Variants in DAPK1 observed in about 807,000 individuals in gnomAD.
DAPK1 encodes the protein death-associated protein kinase 1.
DAPK1 carries 56 observed loss-of-function variants against 144.9 expected under a neutral mutation model. That is an observed-to-expected ratio of 0.39 (90% CI 0.31 to 0.48). The LOEUF (loss-of-function observed/expected upper bound fraction) is 0.48. DAPK1 is among the 20% of genes least tolerant of loss of function. The pLI is 0.95. For missense variants in DAPK1, 1,454 were observed against 1,875.4 expected (o/e 0.78, Z 4.15); for synonymous variants, 690 against 749.0 (o/e 0.92, Z 1.29).
chr9:87,594,744 A>G (rs1828256350), intron 2 of DAPK1, among the ~76,000 whole-genome samples: 1 of 152,184 alleles, frequency 6.6e-6, no homozygotes, highest in African/African-American at 2.4e-5. Flanking sequence ...AAAACTCCAA[A>G]TCCTTTGCCA....
At position 87,681,544 on chromosome 9, in the gene DAPK1, C is replaced by G. The variant is rs1041251543; in HGVS notation, c.2142C>G (p.Ser714Arg). The change falls in exon 20 of 26, where the codon AGC becomes AGG. Residue 714 changes from serine to arginine, a missense_variant. Coordinates refer to ENST00000408954, the MANE Select transcript of DAPK1 (RefSeq NM_004938.4). ...VESLKCGLLR[S>R]FFRRRRPRLS... ...CTCTCAAGTGTGGGCTGCTGAGGAG[C>G]TTTTTCAGAAGGCGTCGGCCCAGAC... 3 of 1,612,464 alleles carry G rather than the reference C, an allele frequency of 1.9e-6. No individual in the cohort carries two copies. The highest frequency in any genetic ancestry group is 2.5e-6 in the Non-Finnish European group (3 of 1,178,594).
At chr9:87,634,262 G>A (rs572598982) in intron 3 of DAPK1, among the ~76,000 whole-genome samples, 2 of 152,324 alleles carry the variant, frequency 1.3e-5, no homozygotes, top group South Asian at 4.1e-4. Context: ...GGCAGGCCCT[G>A]TTATGTTCCC....
chr9:87,664,706 C>G (rs36216035), intron 18 of DAPK1, among the ~76,000 whole-genome samples: 8,528 of 152,310 alleles, frequency 0.056, 264 homozygotes, highest in East Asian at 0.11. Flanking sequence ...TCCACCCTTA[C>G]CTGTCCACAG....
At chr9:87,692,073 G>T (rs1343300276) in intron 21 of DAPK1, among the ~76,000 whole-genome samples, 1 of 151,586 alleles carries the variant, frequency 6.6e-6, no homozygotes, top group African/African-American at 2.4e-5. Context: ...AATGCTGAAA[G>T]TGGGGTGTTG....
At chr9:87,601,086 C>T (rs971348979) in intron 2 of DAPK1, among the ~76,000 whole-genome samples, 3 of 152,162 alleles carry the variant, frequency 2.0e-5, no homozygotes, top group Admixed American at 6.5e-5. Context: ...AAAGGAGTCC[C>T]GATCCAGGGT....
At chr9:87,660,993 A>T (rs1830825388) in intron 18 of DAPK1, among the ~76,000 whole-genome samples, 2 of 152,178 alleles carry the variant, frequency 1.3e-5, no homozygotes, top group South Asian at 2.1e-4. Flanking sequence ...TACAGGTGCA[A>T]GCCACCATGC....
intron 2 of DAPK1, among the ~76,000 whole-genome samples, chr9:87,587,975 A>C (rs908126101): frequency 1.3e-5 from 2 of 152,214 alleles, no homozygotes; most frequent in African/African-American, 4.8e-5. Flanking sequence ...TACATGTATA[A>C]CTCATTTAAT....
intron 2 of DAPK1, among the ~76,000 whole-genome samples, chr9:87,517,056 A>G (rs552173659): frequency 6.6e-6 from 1 of 152,248 alleles, no homozygotes; most frequent in South Asian, 2.1e-4. Context: ...TAGTCCCACC[A>G]GTGCCTCTCA....
At chr9:87,667,977 T>C (rs2082686214) in intron 18 of DAPK1, 2 of 153,716 alleles carry the variant, frequency 1.3e-5, no homozygotes. Context: ...ATGGTGTAGA[T>C]ACAGAAACAA....
intron 2 of DAPK1, among the ~76,000 whole-genome samples, chr9:87,523,078 T>G (rs1245693069): frequency 1.3e-5 from 2 of 152,196 alleles, no homozygotes; most frequent in African/African-American, 4.8e-5. Flanking sequence ...GATTTTTTTT[T>G]GTGTTGTGAT....
intron 2 of DAPK1, among the ~76,000 whole-genome samples, chr9:87,534,838 T>A (rs1337879301): frequency 6.6e-6 from 1 of 151,978 alleles, no homozygotes; most frequent in Non-Finnish European, 1.5e-5. Context: ...AGAGATGGGG[T>A]TTTGCCATGT....
chr9:87,525,970 G>T (rs962695883), intron 2 of DAPK1, among the ~76,000 whole-genome samples: 1 of 151,744 alleles, frequency 6.6e-6, no homozygotes, highest in Non-Finnish European at 1.5e-5. Flanking sequence ...GTTGGGTTTT[G>T]CTCTTTTACT....
At chr9:87,498,395 T>G in intron 1 of DAPK1, 5 of 327,236 alleles carry the variant, frequency 1.5e-5, no homozygotes, top group Non-Finnish European at 2.7e-5. Context: ...CTTCCCTCCC[T>G]TGCTCCCCCG....
At chr9:87,557,770 G>A (rs1485941301) in intron 2 of DAPK1, among the ~76,000 whole-genome samples, 3 of 152,106 alleles carry the variant, frequency 2.0e-5, no homozygotes, top group Admixed American at 1.3e-4. Flanking sequence ...GTGAAACCTC[G>A]TCTTTACTAA....
intron 3 of DAPK1, among the ~76,000 whole-genome samples, chr9:87,614,280 C>G (rs1829022728): frequency 1.3e-5 from 2 of 152,142 alleles, no homozygotes; most frequent in Non-Finnish European, 2.9e-5. Context: ...TATCTGTGAG[C>G]TCATAGATCT....
At chr9:87,652,506 C>T (rs1371470738) in intron 17 of DAPK1, among the ~76,000 whole-genome samples, 1 of 145,094 alleles carries the variant, frequency 6.9e-6, no homozygotes, top group Non-Finnish European at 1.5e-5. Context: ...CCACCTGATA[C>T]CAGGTCCTGA....
intron 3 of DAPK1, among the ~76,000 whole-genome samples, chr9:87,618,296 G>C (rs1051897266): frequency 6.6e-6 from 1 of 152,212 alleles, no homozygotes; most frequent in African/African-American, 2.4e-5. Context: ...TGTTGGTGGG[G>C]ATATGGAGAA....
At chr9:87,517,093 G>A (rs1825089176) in intron 2 of DAPK1, among the ~76,000 whole-genome samples, 1 of 149,682 alleles carries the variant, frequency 6.7e-6, no homozygotes. Flanking sequence ...GGAACCACCT[G>A]CAGGGAGCCA....
chr9:87,661,840 C>A (rs145451203), intron 18 of DAPK1, among the ~76,000 whole-genome samples: 1 of 152,174 alleles, frequency 6.6e-6, no homozygotes, highest in African/African-American at 2.4e-5. Flanking sequence ...AAGTCCTGTT[C>A]GTCTATTTTT....
Sources: gnomAD v4.1 joint callset for allele counts (sites outside exome capture counted in the v4.1 genomes callset) on GRCh38, gnomAD v4.1.1 for gene constraint, MANE v1.5 for transcripts, NCBI Gene and HGNC (gene_info 2026-07-23, HGNC 2026-07-21) for gene names.